The following DLC1 variants were observed in gnomAD, a reference collection of about 807,000 sequenced individuals.
The protein encoded by DLC1 is rho GTPase-activating protein 7.
DLC1 carries 54 observed loss-of-function variants against 140.3 expected under a neutral mutation model. The observed-to-expected ratio is 0.38, with a 90% CI of 0.31 to 0.48. DLC1 has a LOEUF of 0.48. Among genes scored for constraint, DLC1 ranks in the 20% least tolerant of loss-of-function variants. The pLI is 0.96. For missense variants in DLC1, 2,536 were observed against 1,907.0 expected, an observed-to-expected ratio of 1.33 and a Z score of -6.14; for synonymous variants, 986 against 728.1, an observed-to-expected ratio of 1.35 and a Z score of -5.70.
intron 14 of DLC1, 78 bp downstream of exon 14, chr8:13,091,240 T>A (rs546778475): frequency 1.4e-6 from 2 of 1,431,406 alleles, no homozygotes; most frequent in Non-Finnish European, 1.9e-6. Flanking sequence ...AGGTAAGACA[T>A]GAACAAGGGT....
At chr8:13,284,392 T>G (rs1831470637) in intron 5 of DLC1, among the ~76,000 whole-genome samples, 1 of 152,026 alleles carries the variant, frequency 6.6e-6, no homozygotes, top group Non-Finnish European at 1.5e-5. Flanking sequence ...CTGGGCGTGG[T>G]GGCGGGCGCC....
At chr8:13,602,517 A>G (rs781735024) in intron 1 of DLC1, among the ~76,000 whole-genome samples, 5 of 151,954 alleles carry the variant, frequency 3.3e-5, no homozygotes, top group African/African-American at 1.2e-4. Context: ...ATAAAATGAC[A>G]TGATGTCTAG....
At position 13,401,587 on chromosome 8, in the gene DLC1, C is replaced by T; in HGVS notation, c.1056G>A (p.Leu352=). The change falls in exon 3 of 18, where the codon CTG becomes CTA. Residue 352 remains leucine, a synonymous_variant. Coordinates refer to ENST00000276297, the MANE Select transcript of DLC1 (RefSeq NM_182643.3). ...TCATAATCAGCAGCACCATGGAGTC[C>T]AGCCGCGCCCTATCTCGATCTTCTC... ...EIREDRDRAR[L]DSMVLLIMKL... The T allele has an allele frequency of 1.2e-6, 2 of 1,613,702 alleles. No individual in the cohort carries two copies. The highest frequency in any genetic ancestry group is 1.7e-6 in the Non-Finnish European group (2 of 1,179,912).
intron 1 of DLC1, among the ~76,000 whole-genome samples, chr8:13,545,185 T>A (rs969670244): frequency 1.3e-5 from 2 of 152,058 alleles, no homozygotes; most frequent in African/African-American, 2.4e-5. Context: ...AGAACTAACA[T>A]TGCATTTAAA....
chr8:13,500,708 G>T (rs138559027), intron 1 of DLC1, among the ~76,000 whole-genome samples: 1 of 152,050 alleles, frequency 6.6e-6, no homozygotes, highest in Non-Finnish European at 1.5e-5. Context: ...AGCTAACACC[G>T]AACCCAAACG....
At chr8:13,351,261 T>C (rs768941400) in intron 4 of DLC1, among the ~76,000 whole-genome samples, 1 of 152,232 alleles carries the variant, frequency 6.6e-6, no homozygotes, top group Non-Finnish European at 1.5e-5. Flanking sequence ...GGGAAAAGGA[T>C]TATTATCCTC....
Position 13,088,783 on chromosome 8 carries a change from A to G in DLC1, c.4075-79T>C, listed in dbSNP as rs73552360. 8.6e-3 allele frequency: 10,868 copies of G among 1,265,914 alleles called. 753 individuals are homozygous for G. The African/African-American group carries it at 0.15, about 17-fold the overall frequency. The allele number at this position is 1,265,914 out of a possible 1,614,324, so 78.4% of individuals were successfully genotyped here. A position where few individuals can be genotyped will look rare whatever the true frequency, so the allele number is the denominator to read the frequency against. On this transcript the variant is annotated intron_variant, in intron 15 of 17. Coordinates refer to ENST00000276297, the MANE Select transcript of DLC1 (RefSeq NM_182643.3). ...TTGAAGTCGAATTGTTAGTTAGACT[A>G]ACAATTTTAGTTACATATAATCAAC...
chr8:13,188,610 T>TA (rs1826528568), intron 5 of DLC1, among the ~76,000 whole-genome samples: 1 of 141,306 alleles, frequency 7.1e-6, no homozygotes. Context: ...TTACTTTTTT[T>TA]TTTTTTTTTT....
At chr8:13,289,986 T>G (rs1475155906) in intron 5 of DLC1, among the ~76,000 whole-genome samples, 5 of 152,232 alleles carry the variant, frequency 3.3e-5, no homozygotes, top group African/African-American at 1.2e-4. Context: ...GCTTGTTCAA[T>G]ACACTTTATA....
intron 1 of DLC1, among the ~76,000 whole-genome samples, chr8:13,545,328 T>C (rs1028505851): frequency 6.6e-6 from 1 of 150,400 alleles, no homozygotes; most frequent in South Asian, 2.1e-4. Flanking sequence ...TATATATATA[T>C]ATACTTTAAA....
At chr8:13,087,210 T>C (rs1817637977) in intron 16 of DLC1, among the ~76,000 whole-genome samples, 1 of 152,150 alleles carries the variant, frequency 6.6e-6, no homozygotes, top group Non-Finnish European at 1.5e-5. Flanking sequence ...GAGACCAGCC[T>C]GGACAATATG....
rs745534731 is a variant in DLC1, at chr8:13,091,465, C to G, written c.3741-33G>C. 17 of 1,559,078 alleles carry G rather than the reference C, an allele frequency of 1.1e-5. No homozygotes were observed. In the East Asian group the frequency reaches 2.7e-4, roughly 25 times the overall value. ...GAAGAAATACAGGAGGGGAACAGTT[C>G]AAATATTTATATATTTTTCTTCAAG... is the stretch of plus-strand genomic sequence containing the variant. On this transcript the variant is annotated intron_variant, in intron 13 of 17. Transcript: ENST00000276297.
Position 13,455,634 on chromosome 8 carries a change from C to A in DLC1, c.1023+43415G>T, listed in dbSNP as rs533576643. Among the ~76,000 whole-genome samples, 10 of 152,322 alleles carry A rather than the reference C, an allele frequency of 6.6e-5. 1 individual carries two copies. In the South Asian group the frequency reaches 1.9e-3, roughly 28 times the overall value. On this transcript the variant is annotated intron_variant, in intron 2 of 17. Coordinates refer to ENST00000276297, the MANE Select transcript of DLC1 (RefSeq NM_182643.3). ...CCTTCTCAGTGAATTCTTCTCTGGC[C>A]ACCCTGTGCCTAAAATTAGTTTTTC... is the stretch of plus-strand genomic sequence containing the variant.
intron 1 of DLC1, among the ~76,000 whole-genome samples, chr8:13,586,786 A>G (rs1181413902): frequency 6.6e-6 from 1 of 152,094 alleles, no homozygotes; most frequent in Non-Finnish European, 1.5e-5. Context: ...TTCCATCACC[A>G]CAAGGATATA....
intron 5 of DLC1, among the ~76,000 whole-genome samples, chr8:13,138,495 C>G (rs1049294757): frequency 1.3e-5 from 2 of 152,190 alleles, no homozygotes; most frequent in Non-Finnish European, 2.9e-5. Flanking sequence ...TGATTTCTCT[C>G]CCTGAGGAAA....
intron 5 of DLC1, among the ~76,000 whole-genome samples, chr8:13,211,855 G>T (rs958035776): frequency 2.0e-5 from 3 of 152,132 alleles, no homozygotes; most frequent in African/African-American, 7.2e-5. Flanking sequence ...AGGCTTTTTT[G>T]GAAACATACA....
At chr8:13,161,295 C>A (rs1327521002) in intron 5 of DLC1, among the ~76,000 whole-genome samples, 1 of 152,046 alleles carries the variant, frequency 6.6e-6, no homozygotes, top group Non-Finnish European at 1.5e-5. Context: ...GCACTGAATG[C>A]AGTGAAAGGG....
intron 1 of DLC1, among the ~76,000 whole-genome samples, chr8:13,588,273 AG>A (rs1388672599): frequency 1.3e-5 from 2 of 152,170 alleles, no homozygotes; most frequent in African/African-American, 4.8e-5. Context: ...AATGGTAGGA[AG>A]CATGATACCT....
chr8:13,369,294 C>G lies in DLC1; in HGVS notation c.1314+24259G>C, dbSNP rs1029651963. On this transcript the variant is annotated intron_variant, in intron 4 of 17. Coordinates refer to ENST00000276297, the MANE Select transcript of DLC1 (RefSeq NM_182643.3). ...TGAACTTCTAATAGATTCATTCTTT[C>G]TATTTAACCTATTGATACCTCCTTT... Among the ~76,000 whole-genome samples, 8 of 138,490 alleles carry G rather than the reference C, an allele frequency of 5.8e-5. No individual in the cohort carries two copies. In the South Asian group the frequency reaches 1.1e-3, roughly 20 times the overall value. The allele number at this position is 138,490 out of a possible 152,430, so 90.9% of individuals were successfully genotyped here.
Sources: gnomAD v4.1 joint callset for allele counts (sites outside exome capture counted in the v4.1 genomes callset) on GRCh38, gnomAD v4.1.1 for gene constraint, MANE v1.5 for transcripts, NCBI Gene and HGNC (gene_info 2026-07-23, HGNC 2026-07-21) for gene names.